ZBTB20: variants seen among roughly 807,000 people sequenced by gnomAD.
ZBTB20 encodes the protein zinc finger and BTB domain containing 20.
ZBTB20 carries 9 observed loss-of-function variants against 56.9 expected under a neutral mutation model. The observed-to-expected ratio is 0.16, with a 90% confidence interval of 0.10 to 0.28. The LOEUF is 0.28. Among genes scored for constraint, ZBTB20 ranks in the 10% least tolerant of loss-of-function variants. ZBTB20 has a pLI of 1.00. For missense variants in ZBTB20, 655 were observed against 1,003.0 expected (o/e 0.65, Z 4.69); for synonymous variants, 417 against 420.7 (o/e 0.99, Z 0.11).
At chr3:114,770,963 A>AT (rs779820682) in intron 5 of ZBTB20, among the ~76,000 whole-genome samples, 6 of 152,154 alleles carry the variant, frequency 3.9e-5, no homozygotes, top group African/African-American at 7.2e-5. Context: ...CAGATTTCAG[A>AT]TTTTCGGATT....
At chr3:114,758,425 A>G (rs1238624394) in intron 5 of ZBTB20, among the ~76,000 whole-genome samples, 1 of 152,164 alleles carries the variant, frequency 6.6e-6, no homozygotes, top group Non-Finnish European at 1.5e-5. Flanking sequence ...TTCCAAAACT[A>G]TAATGTCCCT....
rs1274751715 is a variant in ZBTB20, at chr3:114,717,018, G to A, written c.-342-23443C>T. ...GGGAGGTGTATGTAGAGCAGAACAT[G>A]GTAGGAAGAATATTCTACTTAGATT... is the stretch of plus-strand genomic sequence containing the variant. On this transcript the variant is annotated intron_variant, in intron 5 of 11. Coordinates refer to ENST00000675478, the MANE Select transcript of ZBTB20 (RefSeq NM_001348800.3). Among the ~76,000 whole-genome samples the A allele has an allele frequency of 2.0e-5, 3 of 152,046 alleles. No homozygotes were observed. The East Asian group carries it at 5.8e-4, about 29-fold the overall frequency.
At chr3:114,543,802 GTGAAAAAGTTCTCTTTTATAATAGCT>G (rs1264540576) in intron 6 of ZBTB20, among the ~76,000 whole-genome samples, 3 of 152,280 alleles carry the variant, frequency 2.0e-5, no homozygotes, top group Non-Finnish European at 4.4e-5. Flanking sequence ...TTTCTGAGTA[GTGAAAAAGTTCTCTTTTATAATAGCT>G]TAACTCAAGA....
chr3:114,943,600 CAGTT>C (rs2076792034), intron 3 of ZBTB20, among the ~76,000 whole-genome samples: 1 of 144,766 alleles, frequency 6.9e-6, no homozygotes, highest in African/African-American at 2.8e-5. Context: ...CAATCGCAGC[CAGTT>C]AGACACAACA....
intron 7 of ZBTB20, among the ~76,000 whole-genome samples, chr3:114,435,585 G>GA (rs1231423110): frequency 6.6e-6 from 1 of 152,120 alleles, no homozygotes; most frequent in Admixed American, 6.5e-5. Flanking sequence ...AGTGTTGGGG[G>GA]AATTCTGCCC....
chr3:114,533,943 G>A (rs2048153385), intron 6 of ZBTB20, among the ~76,000 whole-genome samples: 1 of 152,184 alleles, frequency 6.6e-6, no homozygotes, highest in Non-Finnish European at 1.5e-5. Flanking sequence ...AATGCTGAGA[G>A]ATTTTGTCAC....
intron 1 of ZBTB20, chr3:115,102,783 A>G (rs1354111662): frequency 6.6e-6 from 1 of 152,306 alleles, no homozygotes; most frequent in African/African-American, 2.4e-5. Flanking sequence ...ACTGGCCAAC[A>G]TAGGGAAACC....
At chr3:114,836,854 C>A (rs150706282) in intron 4 of ZBTB20, among the ~76,000 whole-genome samples, 1 of 152,150 alleles carries the variant, frequency 6.6e-6, no homozygotes, top group East Asian at 1.9e-4. Flanking sequence ...AAGATGATAT[C>A]ATTCCTTTGG....
intron 7 of ZBTB20, among the ~76,000 whole-genome samples, chr3:114,490,120 C>T (rs919451012): frequency 6.6e-6 from 1 of 151,922 alleles, no homozygotes; most frequent in African/African-American, 2.4e-5. Context: ...ATTATTTATT[C>T]ATTTTAAATG....
intron 6 of ZBTB20, among the ~76,000 whole-genome samples, chr3:114,612,196 G>A (rs1048885024): frequency 2.6e-5 from 4 of 151,930 alleles, no homozygotes; most frequent in Admixed American, 6.6e-5. Flanking sequence ...AAAGTTCTCC[G>A]TCTACTATTA....
chr3:115,109,692 G>GAT (rs2083820194), intron 1 of ZBTB20, among the ~76,000 whole-genome samples: 1 of 152,126 alleles, frequency 6.6e-6, no homozygotes, highest in Non-Finnish European at 1.5e-5. Flanking sequence ...ACAGACTGGT[G>GAT]ATATTAGGTA....
At chr3:114,562,389 T>C (rs1040961751) in intron 6 of ZBTB20, among the ~76,000 whole-genome samples, 2 of 152,150 alleles carry the variant, frequency 1.3e-5, no homozygotes, top group African/African-American at 2.4e-5. Context: ...GGTCTCGATC[T>C]CTTGACCTCA....
At chr3:114,910,596 T>G (rs529194192) in intron 3 of ZBTB20, among the ~76,000 whole-genome samples, 1 of 152,100 alleles carries the variant, frequency 6.6e-6, no homozygotes, top group Non-Finnish European at 1.5e-5. Context: ...ATTTAGCTAC[T>G]ACTAAGTGTT....
chr3:114,668,033 A>G (rs1402652385), intron 6 of ZBTB20, among the ~76,000 whole-genome samples: 1 of 152,050 alleles, frequency 6.6e-6, no homozygotes, highest in Non-Finnish European at 1.5e-5. Flanking sequence ...GTGTACTATG[A>G]TTATAACATA....
chr3:114,621,894 C>T (rs1422052917), intron 6 of ZBTB20, among the ~76,000 whole-genome samples: 4 of 152,152 alleles, frequency 2.6e-5, no homozygotes, highest in African/African-American at 9.7e-5. Context: ...TAATCAAATT[C>T]TGACTTCTTA....
chr3:115,049,478 C>T (rs555450341), intron 2 of ZBTB20, among the ~76,000 whole-genome samples: 42 of 152,110 alleles, frequency 2.8e-4, no homozygotes, highest in African/African-American at 1.0e-3. Context: ...TACAATAGAA[C>T]CCAAGTCTAA....
At chr3:114,438,752 C>T (rs1236978179) in intron 7 of ZBTB20, among the ~76,000 whole-genome samples, 2 of 152,086 alleles carry the variant, frequency 1.3e-5, no homozygotes, top group Non-Finnish European at 2.9e-5. Flanking sequence ...AAAAGTAGGG[C>T]TCCTTATTAA....
At chr3:114,405,467 C>T (rs1408790969) in intron 7 of ZBTB20, among the ~76,000 whole-genome samples, 9 of 152,072 alleles carry the variant, frequency 5.9e-5, no homozygotes, top group Non-Finnish European at 1.2e-4. Flanking sequence ...TCTGACAACA[C>T]CTGGCTGGGT....
chr3:114,685,325 C>T (rs1292450297), intron 6 of ZBTB20, among the ~76,000 whole-genome samples: 3 of 152,156 alleles, frequency 2.0e-5, no homozygotes, highest in African/African-American at 7.2e-5. Flanking sequence ...GGCTTGATAG[C>T]TGTATCAAGC....
Sources: gnomAD v4.1 joint callset for allele counts (sites outside exome capture counted in the v4.1 genomes callset) on GRCh38, gnomAD v4.1.1 for gene constraint, MANE v1.5 for transcripts, NCBI Gene and HGNC (gene_info 2026-07-23, HGNC 2026-07-21) for gene names.